ENOX1: variants seen among roughly 807,000 people sequenced by gnomAD.
ENOX1 encodes the protein candidate growth-related and time keeping constitutive hydroquinone (NADH) oxidase.
A neutral mutation model predicts 82.5 loss-of-function variants in ENOX1; 42 were observed. The ratio of observed to expected loss-of-function variants is 0.51; its 90% CI spans 0.40 to 0.66. The LOEUF is 0.66. ENOX1 is among the 30% of genes least tolerant of loss of function. ENOX1 has a pLI of 0.00. For missense variants in ENOX1, 608 were observed against 811.6 expected (o/e 0.75, Z 3.05); for synonymous variants, 271 against 282.2 (o/e 0.96, Z 0.40).
chr13:43,430,976 T>C (rs1022606166), intron 3 of ENOX1, among the ~76,000 whole-genome samples: 1 of 152,168 alleles, frequency 6.6e-6, no homozygotes, highest in African/African-American at 2.4e-5. Flanking sequence ...CTTCTAAATG[T>C]AGATCTTTGG....
At chr13:43,507,968 C>A (rs949845222) in intron 2 of ENOX1, among the ~76,000 whole-genome samples, 2 of 151,902 alleles carry the variant, frequency 1.3e-5, no homozygotes, top group Non-Finnish European at 2.9e-5. Flanking sequence ...AACAATATTA[C>A]AACTAGAGTT....
chr13:43,422,138 C>T (rs894214885), intron 3 of ENOX1, among the ~76,000 whole-genome samples: 3 of 152,022 alleles, frequency 2.0e-5, no homozygotes, highest in African/African-American at 7.2e-5. Context: ...AAAAAAAAAT[C>T]TGTCAGATCT....
chr13:43,554,112 A>T (rs2079330123), intron 2 of ENOX1, among the ~76,000 whole-genome samples: 1 of 152,228 alleles, frequency 6.6e-6, no homozygotes, highest in African/African-American at 2.4e-5. Flanking sequence ...AAATAATTAC[A>T]GGTGGATCCT....
intron 3 of ENOX1, among the ~76,000 whole-genome samples, chr13:43,420,394 A>G (rs1203048019): frequency 6.6e-6 from 1 of 152,214 alleles, no homozygotes; most frequent in Admixed American, 6.5e-5. Flanking sequence ...TCTCACTATC[A>G]TCTTTTCATA....
intron 2 of ENOX1, among the ~76,000 whole-genome samples, chr13:43,485,764 T>C (rs2076390495): frequency 6.6e-6 from 1 of 152,210 alleles, no homozygotes; most frequent in Non-Finnish European, 1.5e-5. Context: ...GCATTCTGTT[T>C]ACTTCATACC....
chr13:43,338,579 A>C (rs372620451), intron 9 of ENOX1, among the ~76,000 whole-genome samples: 7 of 151,850 alleles, frequency 4.6e-5, no homozygotes, highest in African/African-American at 1.7e-4. Flanking sequence ...CGATGTCCTC[A>C]TCTAACATTT....
intron 3 of ENOX1, among the ~76,000 whole-genome samples, chr13:43,448,138 T>C (rs1418398531): frequency 6.6e-6 from 1 of 152,258 alleles, no homozygotes; most frequent in Non-Finnish European, 1.5e-5. Context: ...ACTGCTTTGA[T>C]TTTATCAGCA....
In ENOX1 at chr13:43,735,225, A is replaced by G. The variant is rs1164086942; in HGVS notation, c.-285+51427T>C. On this transcript the variant is annotated intron_variant, in intron 1 of 16. Coordinates refer to ENST00000690772, the MANE Select transcript of ENOX1 (RefSeq NM_001347969.2). Reference sequence around the variant, plus strand: ...AGCATGACATTTAGGACAACATGCTAGTAACTGGGCCTTTAAAGACCACAA... The same window carrying G: ...AGCATGACATTTAGGACAACATGCTGGTAACTGGGCCTTTAAAGACCACAA... 2.0e-5 allele frequency among the ~76,000 whole-genome samples: 3 copies of G among 152,228 alleles called. No homozygotes were observed. In the East Asian group the frequency reaches 5.8e-4, roughly 29 times the overall value.
chr13:43,709,970 T>C (rs1006412789), intron 1 of ENOX1, among the ~76,000 whole-genome samples: 9 of 152,188 alleles, frequency 5.9e-5, no homozygotes, highest in African/African-American at 2.2e-4. Flanking sequence ...TTATATGTTA[T>C]TAAAGCACAC....
intron 2 of ENOX1, among the ~76,000 whole-genome samples, chr13:43,652,752 T>A (rs2153778269): frequency 6.6e-6 from 1 of 152,260 alleles, no homozygotes. Flanking sequence ...GGCAGGAAGG[T>A]CTGGGAGGCC....
At chr13:43,277,257 C>T (rs1437747523) in intron 12 of ENOX1, among the ~76,000 whole-genome samples, 4 of 152,184 alleles carry the variant, frequency 2.6e-5, no homozygotes, top group African/African-American at 4.8e-5. Context: ...ATTCTCATTG[C>T]TAGGCAGAAG....
chr13:43,463,290 A>G (rs1467238810), intron 3 of ENOX1, among the ~76,000 whole-genome samples: 4 of 152,174 alleles, frequency 2.6e-5, no homozygotes, highest in Non-Finnish European at 2.9e-5. Flanking sequence ...GGAGTAATTC[A>G]AGTTACTAGG....
At chr13:43,217,672 A>C (rs1209435649) in intron 16 of ENOX1, among the ~76,000 whole-genome samples, 1 of 152,208 alleles carries the variant, frequency 6.6e-6, no homozygotes. Context: ...AACAATCAGT[A>C]ACCTCTTCCA....
At chr13:43,603,386 TTTA>T (rs869199259) in intron 2 of ENOX1, among the ~76,000 whole-genome samples, 5 of 149,768 alleles carry the variant, frequency 3.3e-5, no homozygotes, top group Admixed American at 1.3e-4. Context: ...TATTTATTTA[TTTA>T]TTTTATTATT....
At chr13:43,412,346 C>T (rs1028002820) in intron 4 of ENOX1, among the ~76,000 whole-genome samples, 3 of 152,106 alleles carry the variant, frequency 2.0e-5, no homozygotes, top group Non-Finnish European at 2.9e-5. Context: ...AGTGAAACAA[C>T]GTTAGTTAAG....
chr13:43,253,261 T>C (rs769717806), intron 14 of ENOX1, among the ~76,000 whole-genome samples: 2 of 150,384 alleles, frequency 1.3e-5, no homozygotes, highest in African/African-American at 4.8e-5. Flanking sequence ...CAGCTCTTCC[T>C]GTTCCAGTCT....
intron 13 of ENOX1, among the ~76,000 whole-genome samples, chr13:43,267,311 A>G (rs760934169): frequency 6.6e-6 from 1 of 152,252 alleles, no homozygotes; most frequent in Non-Finnish European, 1.5e-5. Flanking sequence ...AAATGAGATG[A>G]AAGGCAGGAG....
chr13:43,424,772 G>C (rs61950517), intron 3 of ENOX1, among the ~76,000 whole-genome samples: 65,546 of 151,984 alleles, frequency 0.43, 14,733 homozygotes, highest in South Asian at 0.56. Flanking sequence ...GTGGAGCCTT[G>C]GGTCCCCTGT....
chr13:43,274,246 C>T (rs527820599), intron 12 of ENOX1, among the ~76,000 whole-genome samples: 28 of 152,144 alleles, frequency 1.8e-4, no homozygotes, highest in Non-Finnish European at 2.8e-4. Flanking sequence ...TTTATAATTA[C>T]GTAATTTATT....
Sources: allele counts gnomAD v4.1 joint callset (sites outside exome capture counted in the v4.1 genomes callset), GRCh38; gene constraint gnomAD v4.1.1; transcripts MANE v1.5; gene names NCBI Gene and HGNC (gene_info 2026-07-23, HGNC 2026-07-21).